The following MUSK variants were observed in gnomAD, a reference collection of about 807,000 sequenced individuals.
MUSK encodes muscle, skeletal receptor tyrosine-protein kinase.
In MUSK, 55 loss-of-function variants were observed where a neutral mutation model predicts 88.7. The ratio of observed to expected loss-of-function variants is 0.62; its 90% CI spans 0.50 to 0.78. The LOEUF (loss-of-function observed/expected upper bound fraction) is 0.78, where lower values mean the gene tolerates loss of function less well. Ranked by LOEUF, MUSK falls within the 30% of genes least tolerant of loss-of-function variation. MUSK has a pLI of 0.00. For missense variants in MUSK, 1,015 were observed against 1,074.3 expected (o/e 0.94, Z 0.77); for synonymous variants, 387 against 391.9 (o/e 0.99, Z 0.15).
intron 6 of MUSK, among the ~76,000 whole-genome samples, chr9:110,742,916 A>C (rs1159996322): frequency 6.6e-6 from 1 of 152,246 alleles, no homozygotes; most frequent in Non-Finnish European, 1.5e-5. Flanking sequence ...ACATTGACGC[A>C]AATCACAGGA....
intron 14 of MUSK, among the ~76,000 whole-genome samples, chr9:110,788,302 T>C (rs1017352955): frequency 3.9e-5 from 6 of 152,198 alleles, no homozygotes; most frequent in African/African-American, 1.2e-4. Context: ...ATTTAGTTTG[T>C]ATTAATTACA....
At chr9:110,707,803 C>T (rs974399372) in intron 5 of MUSK, among the ~76,000 whole-genome samples, 1 of 152,134 alleles carries the variant, frequency 6.6e-6, no homozygotes, top group Admixed American at 6.5e-5. Flanking sequence ...TCCTTATTTC[C>T]TCAGGGCTTT....
rs757023032 is a variant in MUSK at position 110,734,349 on chromosome 9, A to G, written c.727A>G (p.Ile243Val). ...AGCAACAGGCATTCCTGTCCCCACC[A>G]TCACCTGGATTGAAAACGGAAATGC... Reference protein sequence around the residue: ...CTATGIPVPTITWIENGNAVS... With the variant: ...CTATGIPVPTVTWIENGNAVS... The change falls in exon 6 of 15, where the codon ATC (isoleucine) becomes GTC (valine). Residue 243 changes from isoleucine (I) to valine (V), a missense_variant. Ile to Val is a conservative substitution (Grantham distance 29). Transcript: ENST00000374448. 1.2e-6 allele frequency: 2 copies of G among 1,613,192 alleles called. No homozygotes were observed. The highest frequency in any genetic ancestry group is 1.7e-4 in the Middle Eastern group (1 of 6,056).
intron 7 of MUSK, among the ~76,000 whole-genome samples, chr9:110,754,490 A>T (rs1199357840): frequency 2.0e-5 from 3 of 152,150 alleles, no homozygotes; most frequent in African/African-American, 7.2e-5. Flanking sequence ...ATACACCCCC[A>T]CAAAAATAAA....
intron 5 of MUSK, among the ~76,000 whole-genome samples, chr9:110,708,255 CAAAA>C (rs1564235992): frequency 2.0e-5 from 3 of 152,102 alleles, no homozygotes; most frequent in Non-Finnish European, 4.4e-5. Context: ...GTTGCATCTA[CAAAA>C]GTGGAAGCAA....
intron 5 of MUSK, among the ~76,000 whole-genome samples, chr9:110,708,485 A>C (rs2076629834): frequency 6.6e-6 from 1 of 152,150 alleles, no homozygotes; most frequent in South Asian, 2.1e-4. Context: ...TCATGAGTAC[A>C]TTGTGCATTT....
chr9:110,695,208 C>A (rs983752569), intron 3 of MUSK, among the ~76,000 whole-genome samples, 195 bp from the exon 4 acceptor site: 3 of 152,158 alleles, frequency 2.0e-5, no homozygotes, highest in Non-Finnish European at 4.4e-5. Context: ...AAAGCAGAGA[C>A]AACCAAGTGT....
intron 14 of MUSK, among the ~76,000 whole-genome samples, chr9:110,799,583 A>G (rs1315580785): frequency 6.6e-6 from 1 of 152,236 alleles, no homozygotes; most frequent in Admixed American, 6.5e-5. Context: ...CAGCAATTAC[A>G]TTACATACTC....
intron 1 of MUSK, among the ~76,000 whole-genome samples, chr9:110,674,284 T>C (rs2075996771): frequency 6.6e-6 from 1 of 152,162 alleles, no homozygotes; most frequent in African/African-American, 2.4e-5. Flanking sequence ...ACTTATATAA[T>C]AATAAAATGT....
At chr9:110,776,695 T>A in intron 11 of MUSK, 40 bp downstream of exon 11, 1 of 1,515,642 alleles carries the variant, frequency 6.6e-7, no homozygotes, top group Non-Finnish European at 9.1e-7. Context: ...CTTATGTGTA[T>A]GTAATTGGAT....
Position 110,768,047 on chromosome 9 carries a change from G to T in MUSK, c.1148G>T (p.Ser383Ile), listed in dbSNP as rs571312240. Residue 383 changes from serine to isoleucine, a missense_variant, in exon 9 of 15, where the codon AGT becomes ATT. By Grantham distance (142) the Ser-to-Ile change is moderately radical. Transcript: ENST00000374448. ...LLCNHIFQECSPGVVPTPIPI... is the reference protein window; with the variant it reads ...LLCNHIFQECIPGVVPTPIPI... The stretch of plus-strand genomic sequence containing the variant: ...TGTAACCACATCTTCCAGGAGTGCA[G>T]TCCTGGAGTAGTGCCTACTCCTATT... The T allele has an allele frequency of 3.7e-6, 6 of 1,613,624 alleles. No homozygotes were observed. The East Asian group carries it at 1.3e-4, about 36-fold the overall frequency.
chr9:110,700,870 T>G lies in MUSK; in HGVS notation c.628+3404T>G, dbSNP rs368517433. On this transcript the variant is annotated intron_variant, in intron 5 of 14. Coordinates refer to ENST00000374448, the MANE Select transcript of MUSK (RefSeq NM_005592.4). Reference sequence around the variant, plus strand: ...TCCTGGAATCATTATTAATAGAGTCTCTCTTTTACTTTCAGAAGTATCCAA... The same window carrying G: ...TCCTGGAATCATTATTAATAGAGTCGCTCTTTTACTTTCAGAAGTATCCAA... Among the ~76,000 whole-genome samples the G allele has an allele frequency of 8.5e-5, 13 of 152,286 alleles. 1 individual carries two copies. In the East Asian group the frequency reaches 1.7e-3, roughly 20 times the overall value.
chr9:110,714,204 G>A (rs2076714811), intron 5 of MUSK, among the ~76,000 whole-genome samples: 1 of 152,176 alleles, frequency 6.6e-6, no homozygotes, highest in Non-Finnish European at 1.5e-5. Flanking sequence ...TTTAACAAAA[G>A]TGCGGTTGCT....
At chr9:110,710,689 T>C (rs1814810504) in intron 5 of MUSK, among the ~76,000 whole-genome samples, 1 of 151,998 alleles carries the variant, frequency 6.6e-6, no homozygotes, top group Non-Finnish European at 1.5e-5. Flanking sequence ...AGAGGTGCCT[T>C]TAATGGCTAA....
At chr9:110,681,925 G>A (rs1004901757) in intron 1 of MUSK, among the ~76,000 whole-genome samples, 10 of 151,956 alleles carry the variant, frequency 6.6e-5, no homozygotes, top group African/African-American at 2.2e-4. Context: ...CTGTATAAAT[G>A]CAGGTAGCCC....
Position 110,785,509 on chromosome 9 carries a change from T to G in MUSK, c.1587-18T>G. The stretch of plus-strand genomic sequence containing the variant: ...CTGCTTCTGAGCTCATTCCTGATCT[T>G]GCCTGTCTTGCCTGCAGAGAATCAG... On this transcript the variant is annotated intron_variant, in intron 12 of 14. Transcript: ENST00000374448. 2 of 1,576,450 alleles carry G rather than the reference T, an allele frequency of 1.3e-6. No individual in the cohort carries two copies. Among genetic ancestry groups the G allele is most frequent in the Non-Finnish European group, 1.7e-6 (2 of 1,159,224 alleles).
At chr9:110,700,075 G>A (rs2076482443) in intron 5 of MUSK, among the ~76,000 whole-genome samples, 1 of 152,254 alleles carries the variant, frequency 6.6e-6, no homozygotes, top group Non-Finnish European at 1.5e-5. Flanking sequence ...CTATACTTTG[G>A]TCTTGCCTTA....
At chr9:110,721,955 G>A (rs947663888) in intron 5 of MUSK, among the ~76,000 whole-genome samples, 4 of 152,068 alleles carry the variant, frequency 2.6e-5, no homozygotes, top group Admixed American at 1.3e-4. Flanking sequence ...ACAGTTAACC[G>A]ATCTTTGACA....
intron 8 of MUSK, among the ~76,000 whole-genome samples, chr9:110,766,193 G>C (rs1419933810): frequency 1.3e-5 from 2 of 152,166 alleles, no homozygotes; most frequent in Non-Finnish European, 2.9e-5. Context: ...ACTTGGAGAA[G>C]AGGGATTCTA....
Sources: gnomAD v4.1 joint callset for allele counts (sites outside exome capture counted in the v4.1 genomes callset) on GRCh38, gnomAD v4.1.1 for gene constraint, MANE v1.5 for transcripts, NCBI Gene and HGNC (gene_info 2026-07-23, HGNC 2026-07-21) for gene names.